RPA1: variants seen among roughly 807,000 people sequenced by gnomAD.
The protein encoded by RPA1 is replication protein A 70 kDa DNA-binding subunit.
Under a neutral mutation model 83.0 loss-of-function variants are expected in RPA1, and 49 were observed. The ratio of observed to expected loss-of-function variants is 0.59; its 90% CI spans 0.47 to 0.75. RPA1 has a LOEUF of 0.75. Among genes scored for constraint, RPA1 ranks in the 30% least tolerant of loss-of-function variants. The pLI is 0.00. For synonymous variants in RPA1, 279 were observed against 281.8 expected, an observed-to-expected ratio of 0.99 and a Z score of 0.10; for missense variants, 693 against 776.1, an observed-to-expected ratio of 0.89 and a Z score of 1.27.
At chr17:1,833,575 C>A (rs1911700277) in intron 1 of RPA1, among the ~76,000 whole-genome samples, 1 of 152,186 alleles carries the variant, frequency 6.6e-6, no homozygotes, top group Non-Finnish European at 1.5e-5. Context: ...TGTTTCTAGG[C>A]CAGGCGCAGT....
At chr17:1,892,095 C>T (rs6503049) in intron 15 of RPA1, among the ~76,000 whole-genome samples, 155 bp downstream of exon 15, 131,539 of 151,658 alleles carry the variant, frequency 0.87, 57,417 homozygotes, top group Non-Finnish European at 0.93. Context: ...CAGTCTCCGC[C>T]TCCCGGGTTC....
At chr17:1,855,347 G>A (rs1912650886) in intron 5 of RPA1, among the ~76,000 whole-genome samples, 3 of 148,378 alleles carry the variant, frequency 2.0e-5, no homozygotes, top group Non-Finnish European at 4.4e-5. Flanking sequence ...GTGTGTGTGT[G>A]TGTGTGTGTG....
In RPA1 at chr17:1,844,622, C is replaced by G. The variant is rs761361601; in HGVS notation, c.208C>G (p.Gln70Glu). 5.6e-6 allele frequency: 9 copies of G among 1,613,604 alleles called. No individual in the cohort carries two copies. The highest frequency in any genetic ancestry group is 1.3e-5 in the African/African-American group (1 of 74,896). The change falls in exon 4 of 17, where the codon CAA (glutamine) becomes GAA (glutamate). Residue 70 changes from glutamine to glutamate, a missense_variant. Physicochemically the swap from Gln to Glu is conservative, Grantham distance 29. Coordinates refer to ENST00000254719, the MANE Select transcript of RPA1 (RefSeq NM_002945.5). ...GTTGAACCCTCTCGTGGAGGAAGAACAATTGTCCAGCAACTGTGTATGCCA... is the reference window on the plus strand; with the variant it reads ...GTTGAACCCTCTCGTGGAGGAAGAAGAATTGTCCAGCAACTGTGTATGCCA... Reference protein sequence around the residue: ...TQLNPLVEEEQLSSNCVCQIH... With the variant: ...TQLNPLVEEEELSSNCVCQIH...
intron 16 of RPA1, among the ~76,000 whole-genome samples, chr17:1,896,066 A>G (rs1914407872): frequency 6.6e-6 from 1 of 152,132 alleles, no homozygotes; most frequent in Non-Finnish European, 1.5e-5. Context: ...ATCTCACTTG[A>G]GCCTAGTAAC....
chr17:1,882,122 G>C (rs1913821430), intron 12 of RPA1, among the ~76,000 whole-genome samples: 1 of 152,094 alleles, frequency 6.6e-6, no homozygotes, highest in Non-Finnish European at 1.5e-5. Context: ...CCCACCTTGG[G>C]ATGGTATTTG....
chr17:1,895,295 T>C (rs1258760512), intron 16 of RPA1, among the ~76,000 whole-genome samples, 200 bp downstream of exon 16: 2 of 148,848 alleles, frequency 1.3e-5, no homozygotes, highest in African/African-American at 5.0e-5. Context: ...GTCGAAACAA[T>C]GGCGGGGGGG....
intron 7 of RPA1, among the ~76,000 whole-genome samples, chr17:1,876,573 A>G (rs1913580950): frequency 6.6e-6 from 1 of 152,228 alleles, no homozygotes; most frequent in Non-Finnish European, 1.5e-5. Context: ...AATAAACAAA[A>G]TAAAGTAATT....
chr17:1,893,248 T>G (rs1914265466), intron 15 of RPA1, among the ~76,000 whole-genome samples: 1 of 152,246 alleles, frequency 6.6e-6, no homozygotes, highest in Non-Finnish European at 1.5e-5. Context: ...CGAGTAAGCC[T>G]TTCAGGATTT....
chr17:1,841,550 C>T (rs560285396), intron 1 of RPA1, among the ~76,000 whole-genome samples: 1 of 152,272 alleles, frequency 6.6e-6, no homozygotes, highest in East Asian at 1.9e-4. Flanking sequence ...GTGATTTGCC[C>T]GCCACAGCCT....
chr17:1,872,445 C>A lies in RPA1; in HGVS notation c.373C>A (p.Pro125Thr), dbSNP rs781578904. The change falls in exon 6 of 17, where the codon CCG becomes ACG. Residue 125 changes from proline (P) to threonine (T), a missense_variant. Coordinates refer to ENST00000254719, the MANE Select transcript of RPA1 (RefSeq NM_002945.5). ...CTTTTGATCTTCAGGACTCGGGCAG[C>A]CGCAAGTAGCTCCTCCAGCGCCAGC... ...PVPYNEGLGQ[P>T]QVAPPAPAAS... is the part of the protein sequence containing the mutation. The A allele has an allele frequency of 1.2e-6, 2 of 1,613,906 alleles. No homozygotes were observed. Among genetic ancestry groups the A allele is most frequent in the Non-Finnish European group, 1.7e-6 (2 of 1,179,972 alleles).
intron 5 of RPA1, among the ~76,000 whole-genome samples, chr17:1,855,046 T>TAGTTGG (rs2151275792): frequency 6.6e-6 from 1 of 152,324 alleles, no homozygotes; most frequent in African/African-American, 2.4e-5. Flanking sequence ...TTTCTGTTCC[T>TAGTTGG]AGTTGGTGAG....
intron 15 of RPA1, among the ~76,000 whole-genome samples, chr17:1,894,432 G>A (rs557921320): frequency 1.1e-4 from 16 of 152,136 alleles, no homozygotes; most frequent in African/African-American, 1.7e-4. Flanking sequence ...TTCCCAAAGC[G>A]CTGGGATGAC....
At chr17:1,868,418 G>A (rs1913263341) in intron 5 of RPA1, among the ~76,000 whole-genome samples, 1 of 152,212 alleles carries the variant, frequency 6.6e-6, no homozygotes, top group African/African-American at 2.4e-5. Flanking sequence ...TGTGCCATGT[G>A]AGGTGACCAG....
intron 5 of RPA1, among the ~76,000 whole-genome samples, chr17:1,856,492 G>T (rs1255685730): frequency 6.6e-6 from 1 of 151,954 alleles, no homozygotes; most frequent in African/African-American, 2.4e-5. Flanking sequence ...CCAGCCACTC[G>T]TGAGGCTGAG....
At chr17:1,841,563 C>T (rs904421125) in intron 1 of RPA1, among the ~76,000 whole-genome samples, 3 of 152,174 alleles carry the variant, frequency 2.0e-5, no homozygotes, top group Non-Finnish European at 2.9e-5. Context: ...CACAGCCTCC[C>T]GAAGTGCTGG....
chr17:1,834,473 C>G (rs1438502831), intron 1 of RPA1, among the ~76,000 whole-genome samples: 1 of 152,110 alleles, frequency 6.6e-6, no homozygotes, highest in Non-Finnish European at 1.5e-5. Context: ...GTTGGAGAAC[C>G]TTTGCTGACT....
At position 1,832,567 on chromosome 17, in the gene RPA1, A is replaced by G. The variant is rs576620655; in HGVS notation, c.33+2441A>G. Among the ~76,000 whole-genome samples, 17 of 151,534 alleles carry G rather than the reference A, an allele frequency of 1.1e-4. 2 individuals are homozygous for G. In the Middle Eastern group the frequency reaches 0.028, roughly 249 times the overall value. ...ATGCCCGGCTAATTTTTGTATTTTT[A>G]GTAGAGATGGGGTTTCACCATGTTG... On this transcript the variant is annotated intron_variant, in intron 1 of 16. Coordinates refer to ENST00000254719, the MANE Select transcript of RPA1 (RefSeq NM_002945.5).
intron 4 of RPA1, among the ~76,000 whole-genome samples, chr17:1,851,631 T>G (rs1912500035): frequency 6.6e-6 from 1 of 152,232 alleles, no homozygotes; most frequent in Non-Finnish European, 1.5e-5. Context: ...GTTTTGGTTT[T>G]GTGTGTGTGT....
intron 4 of RPA1, among the ~76,000 whole-genome samples, chr17:1,849,101 A>G (rs994089725): frequency 3.9e-5 from 6 of 152,120 alleles, no homozygotes; most frequent in Non-Finnish European, 5.9e-5. Context: ...TTTTGAGGCT[A>G]TTGTTCAAAG....
Sources: gnomAD v4.1 joint callset for allele counts (sites outside exome capture counted in the v4.1 genomes callset) on GRCh38, gnomAD v4.1.1 for gene constraint, MANE v1.5 for transcripts, NCBI Gene and HGNC (gene_info 2026-07-23, HGNC 2026-07-21) for gene names.